PLPP4: variants seen among roughly 807,000 people sequenced by gnomAD.
The protein encoded by PLPP4 is phospholipid phosphatase 4.
In PLPP4, 20 loss-of-function variants were observed where a neutral mutation model predicts 32.2. That is an observed-to-expected ratio of 0.62 (90% confidence interval 0.44 to 0.90). The LOEUF is 0.90. Ranked by LOEUF, PLPP4 falls within the 40% of genes least tolerant of loss-of-function variation. PLPP4 has a pLI of 0.00. For synonymous variants in PLPP4, 127 were observed against 133.0 expected, an observed-to-expected ratio of 0.95 and a Z score of 0.31; for missense variants, 257 against 353.1, an observed-to-expected ratio of 0.73 and a Z score of 2.18.
intron 6 of PLPP4, among the ~76,000 whole-genome samples, chr10:120,582,432 T>A (rs1283879273): frequency 6.6e-6 from 1 of 152,172 alleles, no homozygotes; most frequent in Non-Finnish European, 1.5e-5. Context: ...ATTTCCCCTC[T>A]TTATAAGGAC....
chr10:120,527,104 TTGTC>T (rs1180272222), intron 5 of PLPP4, among the ~76,000 whole-genome samples: 4 of 137,424 alleles, frequency 2.9e-5, no homozygotes, highest in Non-Finnish European at 5.0e-5. Context: ...ATCTGTCTAT[TTGTC>T]TGTCTACCTA....
intron 1 of PLPP4, among the ~76,000 whole-genome samples, chr10:120,464,090 C>T (rs1381945437): frequency 1.3e-5 from 2 of 152,322 alleles, no homozygotes; most frequent in South Asian, 4.1e-4. Flanking sequence ...TAGGTGTGAA[C>T]CATTGTGCCT....
intron 1 of PLPP4, among the ~76,000 whole-genome samples, chr10:120,492,879 T>G (rs920962528): frequency 3.3e-5 from 5 of 152,220 alleles, no homozygotes; most frequent in African/African-American, 7.2e-5. Flanking sequence ...TAACATGTAA[T>G]CATATTGGTT....
At chr10:120,571,120 G>T (rs1368825811) in intron 5 of PLPP4, among the ~76,000 whole-genome samples, 1 of 118,358 alleles carries the variant, frequency 8.4e-6, no homozygotes, top group African/African-American at 3.0e-5. Flanking sequence ...GTGTGTGTGT[G>T]TGTGTGTGTG....
chr10:120,503,793 A>G (rs983593969), intron 1 of PLPP4, 25 bp from the exon 2 acceptor site: 31 of 1,601,992 alleles, frequency 1.9e-5, no homozygotes, highest in Non-Finnish European at 2.5e-5. Flanking sequence ...CTCAACCTTC[A>G]TGTACTTTTC....
intron 1 of PLPP4, among the ~76,000 whole-genome samples, chr10:120,462,142 A>T (rs915481020): frequency 3.4e-5 from 5 of 146,484 alleles, no homozygotes; most frequent in African/African-American, 1.2e-4. Flanking sequence ...GCCCAAGGAC[A>T]TTCCTGCAGG....
At chr10:120,558,905 T>G (rs1260042674) in intron 5 of PLPP4, among the ~76,000 whole-genome samples, 2 of 152,242 alleles carry the variant, frequency 1.3e-5, no homozygotes, top group Non-Finnish European at 2.9e-5. Flanking sequence ...GCAGTAAAAT[T>G]TTTGGGTCAT....
intron 5 of PLPP4, among the ~76,000 whole-genome samples, chr10:120,528,211 A>G (rs1446976521): frequency 1.3e-5 from 2 of 151,068 alleles, no homozygotes; most frequent in Non-Finnish European, 2.9e-5. Flanking sequence ...AGTAGCTGGG[A>G]CTACAGGCGC....
chr10:120,523,322 C>G (rs1846246370), intron 5 of PLPP4, among the ~76,000 whole-genome samples: 1 of 151,876 alleles, frequency 6.6e-6, no homozygotes, highest in Non-Finnish European at 1.5e-5. Flanking sequence ...AAAAAAAAAG[C>G]TCAAAATTCT....
chr10:120,500,756 G>A (rs1304175839), intron 1 of PLPP4, among the ~76,000 whole-genome samples: 2 of 152,072 alleles, frequency 1.3e-5, no homozygotes, highest in Admixed American at 1.3e-4. Flanking sequence ...TAGCTAAGCT[G>A]GTATAATCCG....
At chr10:120,564,175 A>G (rs1347774361) in intron 5 of PLPP4, among the ~76,000 whole-genome samples, 2 of 152,044 alleles carry the variant, frequency 1.3e-5, no homozygotes, top group Non-Finnish European at 2.9e-5. Context: ...TATTATTTTC[A>G]TTAATTTTAA....
At chr10:120,506,291 T>C (rs745391115) in intron 2 of PLPP4, among the ~76,000 whole-genome samples, 22 of 152,240 alleles carry the variant, frequency 1.4e-4, no homozygotes, top group Non-Finnish European at 2.6e-4. Context: ...AAGCAGTAGA[T>C]ACATTTATAA....
In PLPP4 at chr10:120,530,188, A is replaced by G. The variant is rs1307084892; in HGVS notation, c.445+9093A>G. 2.0e-5 allele frequency among the ~76,000 whole-genome samples: 3 copies of G among 151,646 alleles called. No homozygotes were observed. In the Admixed American group the frequency reaches 2.0e-4, roughly 10 times the overall value. On this transcript the variant is annotated intron_variant, in intron 5 of 6. Transcript: ENST00000398250. ...GCATCAAAATGCATAAATCATAACCATTCAGTTTTTACAAATGGACATACT... is the reference window on the plus strand; with the variant it reads ...GCATCAAAATGCATAAATCATAACCGTTCAGTTTTTACAAATGGACATACT...
chr10:120,462,328 T>TG (rs947743403), intron 1 of PLPP4, among the ~76,000 whole-genome samples: 145 of 151,912 alleles, frequency 9.5e-4, no homozygotes, highest in Non-Finnish European at 1.5e-3. Context: ...GAGGCAAAAC[T>TG]GGGGGGGCCT....
intron 5 of PLPP4, among the ~76,000 whole-genome samples, chr10:120,559,225 T>A (rs1019308245): frequency 1.3e-5 from 2 of 152,176 alleles, no homozygotes; most frequent in African/African-American, 4.8e-5. Flanking sequence ...ATTAGGGTTT[T>A]AAAAATATTA....
At chr10:120,542,318 G>A (rs963287893) in intron 5 of PLPP4, among the ~76,000 whole-genome samples, 1 of 152,216 alleles carries the variant, frequency 6.6e-6, no homozygotes, top group Admixed American at 6.5e-5. Context: ...GGGGACAGAA[G>A]GTCATTACCT....
chr10:120,539,222 G>T (rs1780575487), intron 5 of PLPP4, among the ~76,000 whole-genome samples: 1 of 152,176 alleles, frequency 6.6e-6, no homozygotes, highest in Admixed American at 6.5e-5. Context: ...GCAGGGAGCA[G>T]ATGCTTAACC....
chr10:120,542,232 G>A (rs542298878), intron 5 of PLPP4, among the ~76,000 whole-genome samples: 1 of 152,292 alleles, frequency 6.6e-6, no homozygotes, highest in African/African-American at 2.4e-5. Flanking sequence ...GAACACCCAG[G>A]GTGAGGTCAG....
chr10:120,467,203 CG>C (rs1357777035), intron 1 of PLPP4, among the ~76,000 whole-genome samples: 15 of 65,450 alleles, frequency 2.3e-4, no homozygotes, highest in Non-Finnish European at 3.6e-4. Context: ...CTCAGCCTCC[CG>C]AGTACCTGGG....
Sources: gnomAD v4.1 joint callset for allele counts (sites outside exome capture counted in the v4.1 genomes callset) on GRCh38, gnomAD v4.1.1 for gene constraint, MANE v1.5 for transcripts, NCBI Gene and HGNC (gene_info 2026-07-23, HGNC 2026-07-21) for gene names.